USP36: variants seen among roughly 807,000 people sequenced by gnomAD.
USP36 encodes the protein ubiquitin carboxyl-terminal hydrolase 36.
A neutral mutation model predicts 111.5 loss-of-function variants in USP36; 59 were observed. The ratio of observed to expected loss-of-function variants is 0.53; its 90% CI spans 0.43 to 0.66. The LOEUF is 0.66. Ranked by LOEUF, USP36 falls within the 30% of genes least tolerant of loss-of-function variation. USP36 has a pLI of 0.00. For synonymous variants in USP36, 628 were observed against 581.0 expected (o/e 1.08, Z -1.16); for missense variants, 1,488 against 1,468.0 (o/e 1.01, Z -0.22).
At position 78,803,284 on chromosome 17, in the gene USP36, C is replaced by T; in HGVS notation, c.2810+101G>A. ...TCCACATTTTAGAAAACCACGCAAGCAGACTACGTTTCCAGACCATACCTA... is the reference window on the plus strand; with the variant it reads ...TCCACATTTTAGAAAACCACGCAAGTAGACTACGTTTCCAGACCATACCTA... On this transcript the variant is annotated intron_variant, in intron 16 of 20. Coordinates refer to ENST00000449938, the MANE Select transcript of USP36 (RefSeq NM_001385174.1). This position sits in a 1 kb window ranked among gnomAD's most constrained non-coding sequence, Gnocchi z 4.6. 1 of 1,311,704 alleles carries T rather than the reference C, an allele frequency of 7.6e-7. No individual in the cohort carries two copies. The highest frequency in any genetic ancestry group is 1.1e-6 in the Non-Finnish European group (1 of 946,604). The allele number at this position is 1,311,704 out of a possible 1,614,324, so 81.3% of individuals were successfully genotyped here. A position where few individuals can be genotyped will look rare whatever the true frequency, so the allele number is the denominator to read the frequency against.
At chr17:78,839,489 G>C (rs916395357) in intron 1 of USP36, among the ~76,000 whole-genome samples, 4 of 152,182 alleles carry the variant, frequency 2.6e-5, no homozygotes, top group Non-Finnish European at 5.9e-5. Context: ...CAATATCACT[G>C]CTTTCGGTTA....
Position 78,798,852 on chromosome 17 carries a change from A to T in USP36, c.3240+56T>A, listed in dbSNP as rs773076856. ...GCCACCTCCAACTGCCCCGGCTCTGAGCTGAGCCACGCCGCCCTGCTCCCT... is the reference window on the plus strand; with the variant it reads ...GCCACCTCCAACTGCCCCGGCTCTGTGCTGAGCCACGCCGCCCTGCTCCCT... On this transcript the variant is annotated intron_variant, in intron 19 of 20. Coordinates refer to ENST00000449938, the MANE Select transcript of USP36 (RefSeq NM_001385174.1). This position sits in a 1 kb window ranked among gnomAD's most constrained non-coding sequence, Gnocchi z 5.1. The T allele has an allele frequency of 1.1e-5, 18 of 1,594,668 alleles. No homozygotes were observed. In the Admixed American group the frequency reaches 2.5e-4, roughly 22 times the overall value.
At chr17:78,789,054 G>A (rs183386108) in intron 3 of USP36, among the ~76,000 whole-genome samples, 1 of 151,814 alleles carries the variant, frequency 6.6e-6, no homozygotes, top group East Asian at 1.9e-4. Context: ...AAAATTAGCC[G>A]GGCGTGATGG....
chr17:78,802,805 G>A (rs948266849), intron 16 of USP36, among the ~76,000 whole-genome samples: 1 of 152,186 alleles, frequency 6.6e-6, no homozygotes, highest in Non-Finnish European at 1.5e-5. Context: ...CTGATGAAAC[G>A]GCAGATCCTG....
At chr17:78,802,054 T>TCC (rs1219675833) in intron 17 of USP36, among the ~76,000 whole-genome samples, 4 of 151,706 alleles carry the variant, frequency 2.6e-5, no homozygotes, top group Non-Finnish European at 5.9e-5. Flanking sequence ...GCCTGTGCAC[T>TCC]CCCCAATACC....
intron 14 of USP36, 144 bp downstream of exon 14, chr17:78,806,815 G>T: frequency 1.7e-6 from 2 of 1,187,514 alleles, no homozygotes; most frequent in African/African-American, 1.5e-5. Context: ...GCAAATGGCT[G>T]GGAACGACTA....
At chr17:78,818,821 G>A (rs778056753) in intron 9 of USP36, 43 bp from the exon 10 acceptor site, 5 of 1,601,182 alleles carry the variant, frequency 3.1e-6, no homozygotes, top group East Asian at 2.2e-5. Flanking sequence ...TGATTGATTC[G>A]TGCTCTGAAA....
intron 4 of USP36, among the ~76,000 whole-genome samples, chr17:78,835,014 T>C (rs2068524557): frequency 6.7e-6 from 1 of 150,292 alleles, no homozygotes; most frequent in Non-Finnish European, 1.5e-5. Context: ...TATATATATA[T>C]ATATTTTGGA....
intron 4 of USP36, among the ~76,000 whole-genome samples, chr17:78,829,718 A>T (rs1407212689): frequency 6.6e-6 from 1 of 152,186 alleles, no homozygotes; most frequent in African/African-American, 2.4e-5. Context: ...GCTACATAAA[A>T]CGCCTCACTA....
At chr17:78,818,915 CT>C in intron 9 of USP36, 137 bp from the exon 10 acceptor site, 1 of 826,558 alleles carries the variant, frequency 1.2e-6, no homozygotes, top group South Asian at 1.7e-5. Flanking sequence ...CGACCTTCTG[CT>C]CCTCTCAAAA....
chr17:78,806,471 A>C (rs963753611), intron 14 of USP36, among the ~76,000 whole-genome samples, 185 bp from the exon 15 acceptor site: 2 of 152,210 alleles, frequency 1.3e-5, no homozygotes, highest in Non-Finnish European at 2.9e-5. Context: ...GAACCAGAAA[A>C]GTATTTTTGG....
chr17:78,788,914 A>G (rs1332002181), intron 3 of USP36, among the ~76,000 whole-genome samples: 1 of 151,942 alleles, frequency 6.6e-6, no homozygotes, highest in Non-Finnish European at 1.5e-5. Flanking sequence ...CGAAAGAGAG[A>G]TGAGGCCAGG....
chr17:78,815,851 ATG>A lies in USP36; in HGVS notation c.1024-1301_1024-1300del, dbSNP rs1479985731. 6.0e-5 allele frequency among the ~76,000 whole-genome samples: 9 copies of A among 149,352 alleles called. No individual in the cohort carries two copies. In the East Asian group the frequency reaches 2.1e-3, roughly 35 times the overall value. On this transcript the variant is annotated intron_variant, in intron 10 of 20. Transcript: ENST00000449938. ...CACATATATACATACACACACACAT[ATG>A]CATGCATACACATGTACGCATATAC...
intron 6 of USP36, among the ~76,000 whole-genome samples, chr17:78,824,051 G>A (rs541105702): frequency 2.0e-4 from 30 of 152,192 alleles, no homozygotes; most frequent in Non-Finnish European, 3.7e-4. Flanking sequence ...CAAGCCGAAC[G>A]TCCTCAACAC....
chr17:78,807,678 A>C (rs2093945499), intron 13 of USP36, 42 bp from the exon 14 acceptor site: 1 of 1,503,816 alleles, frequency 6.6e-7, no homozygotes, highest in Non-Finnish European at 8.9e-7. Context: ...GGAAGCGAGA[A>C]GTCTCAGCTG....
In USP36 at chr17:78,820,964, A is replaced by G. The variant is rs765562791; in HGVS notation, c.828+27T>C. On this transcript the variant is annotated intron_variant, in intron 8 of 20. Coordinates refer to ENST00000449938, the MANE Select transcript of USP36 (RefSeq NM_001385174.1). Reference sequence around the variant, plus strand: ...CCTCTGGCCTCGCTCTCCTACTGCAAAAGTGAAGGGCAGGACAGATCTGTA... The same window carrying G: ...CCTCTGGCCTCGCTCTCCTACTGCAGAAGTGAAGGGCAGGACAGATCTGTA... The G allele has an allele frequency of 4.8e-5, 77 of 1,600,138 alleles. 4 individuals are homozygous for G. In the South Asian group the frequency reaches 8.2e-4, roughly 17 times the overall value.
chr17:78,836,654 G>T (rs2145665597), intron 2 of USP36, among the ~76,000 whole-genome samples: 1 of 152,260 alleles, frequency 6.6e-6, no homozygotes, highest in East Asian at 1.9e-4. Context: ...CCTGCCATGT[G>T]CATCTCTTCA....
At chr17:78,818,859 C>A (rs184562882) in intron 9 of USP36, 81 bp from the exon 10 acceptor site, 35 of 1,382,070 alleles carry the variant, frequency 2.5e-5, no homozygotes, top group Admixed American at 6.9e-5. Flanking sequence ...AAGTTAATAA[C>A]AGCAACAACT....
downstream of USP36, among the ~76,000 whole-genome samples, chr17:78,791,548 A>G (rs1380143736): frequency 1.3e-5 from 2 of 152,202 alleles, no homozygotes; most frequent in Admixed American, 1.3e-4. Flanking sequence ...ACAGTTTGGT[A>G]CAGATTCTGC....
Sources: gnomAD v4.1 joint callset for allele counts (sites outside exome capture counted in the v4.1 genomes callset) on GRCh38, gnomAD v4.1.1 for gene constraint, Gnocchi (gnomAD v3.1) non-coding constraint, MANE v1.5 for transcripts, NCBI Gene and HGNC (gene_info 2026-07-23, HGNC 2026-07-21) for gene names.